Variants in MED12L observed in about 807,000 individuals in gnomAD.
MED12L encodes mediator of RNA polymerase II transcription subunit 12-like protein.
Under a neutral mutation model 281.3 loss-of-function variants are expected in MED12L, and 60 were observed. The ratio of observed to expected loss-of-function variants is 0.21; its 90% confidence interval spans 0.17 to 0.26. The LOEUF (loss-of-function observed/expected upper bound fraction) is 0.26, where lower values mean the gene tolerates loss of function less well. Among genes scored for constraint, MED12L ranks in the 10% least tolerant of loss-of-function variants. MED12L has a pLI of 1.00. For missense variants in MED12L, 2,146 were observed against 2,680.9 expected, an observed-to-expected ratio of 0.80 and a Z score of 4.41; for synonymous variants, 974 against 987.2, an observed-to-expected ratio of 0.99 and a Z score of 0.25.
intron 39 of MED12L, among the ~76,000 whole-genome samples, chr3:151,407,159 C>T (rs551551276): frequency 6.6e-6 from 1 of 152,216 alleles, no homozygotes; most frequent in South Asian, 2.1e-4. Context: ...AGAATATTGC[C>T]CAATAGCTCA....
At chr3:151,129,444 G>A (rs1306383482) in intron 5 of MED12L, among the ~76,000 whole-genome samples, 1 of 151,858 alleles carries the variant, frequency 6.6e-6, no homozygotes, top group Non-Finnish European at 1.5e-5. Flanking sequence ...TCTTAGTGTT[G>A]TTTTCACGGT....
intron 5 of MED12L, among the ~76,000 whole-genome samples, chr3:151,128,396 A>G (rs1714855295): frequency 6.6e-6 from 1 of 152,136 alleles, no homozygotes; most frequent in Non-Finnish European, 1.5e-5. Context: ...CTATTTATAA[A>G]TTTGCAGCAA....
chr3:151,354,830 T>C (rs1753712393), intron 17 of MED12L, among the ~76,000 whole-genome samples: 1 of 152,208 alleles, frequency 6.6e-6, no homozygotes, highest in Non-Finnish European at 1.5e-5. Flanking sequence ...ATATACTATA[T>C]GATTTCCTTT....
At chr3:151,366,041 G>T (rs1438482829) in intron 23 of MED12L, 50 bp downstream of exon 23, 7 of 1,384,546 alleles carry the variant, frequency 5.1e-6, no homozygotes, top group Non-Finnish European at 6.7e-6. Context: ...TAAATATTTA[G>T]TTAGTGGGTA....
chr3:151,177,685 G>A (rs1029760731), intron 11 of MED12L, among the ~76,000 whole-genome samples: 2 of 151,620 alleles, frequency 1.3e-5, no homozygotes, highest in African/African-American at 4.9e-5. Flanking sequence ...TTTAAATGGG[G>A]TGTCACTACA....
At chr3:151,350,031 G>C (rs769435638) in intron 16 of MED12L, 28 bp from the exon 17 acceptor site, 2 of 1,599,882 alleles carry the variant, frequency 1.3e-6, no homozygotes, top group South Asian at 1.1e-5. Context: ...GCAGACAAGA[G>C]TTTCAGAATG....
At chr3:151,186,784 A>C (rs1723342695) in intron 12 of MED12L, among the ~76,000 whole-genome samples, 1 of 152,136 alleles carries the variant, frequency 6.6e-6, no homozygotes, top group Non-Finnish European at 1.5e-5. Flanking sequence ...TGCAGTGCAC[A>C]TTTATCTAGT....
At chr3:151,417,464 C>T (rs79765144) in intron 43 of MED12L, among the ~76,000 whole-genome samples, 16,034 of 139,726 alleles carry the variant, frequency 0.11, 1,588 homozygotes, top group East Asian at 0.39. Flanking sequence ...CAGTTTGTTC[C>T]GCTCCCCCAG....
intron 16 of MED12L, among the ~76,000 whole-genome samples, chr3:151,215,637 G>A (rs1284669777): frequency 6.6e-6 from 1 of 152,152 alleles, no homozygotes; most frequent in East Asian, 1.9e-4. Context: ...GCAGAGGGAA[G>A]ACTAGAATTA....
intron 3 of MED12L, among the ~76,000 whole-genome samples, chr3:151,119,968 C>T (rs905716777): frequency 2.6e-5 from 4 of 151,594 alleles, no homozygotes; most frequent in African/African-American, 9.7e-5. Context: ...CCTGTAATCC[C>T]AGCACTTTGG....
At chr3:151,262,723 G>C (rs146245275) in intron 16 of MED12L, among the ~76,000 whole-genome samples, 159 of 152,038 alleles carry the variant, frequency 1.0e-3, no homozygotes, top group African/African-American at 3.4e-3. Context: ...ATGGTAAAAT[G>C]CACTAGGAAG....
intron 16 of MED12L, among the ~76,000 whole-genome samples, chr3:151,270,612 T>G (rs1740767454): frequency 6.6e-6 from 1 of 152,154 alleles, no homozygotes; most frequent in Non-Finnish European, 1.5e-5. Context: ...ATCTGTCTAC[T>G]TTCTCTTGTT....
At chr3:151,397,577 A>G (rs1033618479) in intron 39 of MED12L, among the ~76,000 whole-genome samples, 1 of 152,208 alleles carries the variant, frequency 6.6e-6, no homozygotes, top group Admixed American at 6.5e-5. Context: ...TCTTCTGATA[A>G]TCCTTCAAAA....
chr3:151,105,648 C>T (rs1721918688), intron 2 of MED12L, among the ~76,000 whole-genome samples: 1 of 152,134 alleles, frequency 6.6e-6, no homozygotes, highest in Non-Finnish European at 1.5e-5. Context: ...CTGGATTTTT[C>T]CCAGGGTCTG....
At chr3:151,313,571 TGC>T (rs763750156) in intron 16 of MED12L, among the ~76,000 whole-genome samples, 31 of 150,838 alleles carry the variant, frequency 2.1e-4, no homozygotes, top group Non-Finnish European at 3.2e-4. Flanking sequence ...TAAGGCCAGG[TGC>T]GGTGGCTCAC....
intron 16 of MED12L, among the ~76,000 whole-genome samples, chr3:151,291,382 T>C (rs1395448318): frequency 1.3e-5 from 2 of 152,206 alleles, no homozygotes; most frequent in Non-Finnish European, 2.9e-5. Flanking sequence ...GTAAAATATT[T>C]ATGAAGTGGT....
intron 16 of MED12L, among the ~76,000 whole-genome samples, chr3:151,312,870 A>C (rs1747736512): frequency 6.6e-6 from 1 of 152,232 alleles, no homozygotes; most frequent in South Asian, 2.1e-4. Context: ...GATTGTTTTG[A>C]ATGAAGTATT....
At position 151,394,886 on chromosome 3, in the gene MED12L, A is replaced by G. The variant is rs776809510; in HGVS notation, c.5820+19A>G. Reference sequence around the variant, plus strand: ...CCAACAGGTTTGTCCAGACCCCAGCAATGGAGTCCTTTGCATTTTATTACC... The same window carrying G: ...CCAACAGGTTTGTCCAGACCCCAGCGATGGAGTCCTTTGCATTTTATTACC... On this transcript the variant is annotated intron_variant, in intron 39 of 44. Coordinates refer to ENST00000687756, the MANE Select transcript of MED12L (RefSeq NM_001393769.1). 18 of 1,612,916 alleles carry G rather than the reference A, an allele frequency of 1.1e-5. No homozygotes were observed. Among genetic ancestry groups the G allele is most frequent in the Non-Finnish European group, 1.4e-5 (17 of 1,179,906 alleles).
At chr3:151,127,753 C>G (rs978976882) in intron 4 of MED12L, 72 bp from the exon 5 acceptor site, 17 of 1,102,844 alleles carry the variant, frequency 1.5e-5, no homozygotes, top group South Asian at 3.3e-5. Context: ...TTTGCTTCCC[C>G]TTTATTTAGG....
Sources: gnomAD v4.1 joint callset for allele counts (sites outside exome capture counted in the v4.1 genomes callset) on GRCh38, gnomAD v4.1.1 for gene constraint, MANE v1.5 for transcripts, NCBI Gene and HGNC (gene_info 2026-07-23, HGNC 2026-07-21) for gene names.